SP140L: variants seen among roughly 807,000 people sequenced by gnomAD.
The protein encoded by SP140L is nuclear body protein SP140-like protein.
SP140L carries 64 observed loss-of-function variants against 84.3 expected under a neutral mutation model. The ratio of observed to expected loss-of-function variants is 0.76; its 90% CI spans 0.62 to 0.94. The LOEUF is 0.94. Among genes scored for constraint, SP140L ranks in the 40% least tolerant of loss-of-function variants. The pLI, the probability that SP140L is intolerant of heterozygous loss-of-function variation, is 0.00. For missense variants in SP140L, 628 were observed against 692.5 expected (o/e 0.91, Z 1.05); for synonymous variants, 242 against 236.9 (o/e 1.02, Z -0.20).
rs531059052 is a variant in SP140L, at chr2:230,358,637, CA to C, written c.271-326del. Among the ~76,000 whole-genome samples the C allele has an allele frequency of 3.1e-3, 470 of 152,294 alleles. 5 individuals are homozygous for C. The highest frequency in any genetic ancestry group is 2.4e-3 in the Non-Finnish European group (166 of 68,018). On this transcript the variant is annotated intron_variant, in intron 3 of 18. Transcript: ENST00000415673. ...TTGCCCAGCCAACAAAACAGCCACTCATTGATTGCCTGCTACATCTATCCCA... is the reference window on the plus strand; with the variant it reads ...TTGCCCAGCCAACAAAACAGCCACTCTTGATTGCCTGCTACATCTATCCCA...
At chr2:230,380,983 T>G (rs2061385609) in intron 7 of SP140L, among the ~76,000 whole-genome samples, 1 of 152,130 alleles carries the variant, frequency 6.6e-6, no homozygotes, top group African/African-American at 2.4e-5. Flanking sequence ...TCTAAATACC[T>G]AGGAGCAAAA....
intron 13 of SP140L, among the ~76,000 whole-genome samples, chr2:230,395,512 C>T (rs745439119): frequency 2.2e-4 from 34 of 151,860 alleles, no homozygotes; most frequent in African/African-American, 8.2e-4. Flanking sequence ...CCTGGGAGGT[C>T]GAGGCTATAG....
At chr2:230,391,548 C>T (rs939719031) in intron 11 of SP140L, among the ~76,000 whole-genome samples, 8 of 152,118 alleles carry the variant, frequency 5.3e-5, no homozygotes, top group Non-Finnish European at 1.2e-4. Context: ...ATATCAGCTG[C>T]CCATGATTGC....
In SP140L at chr2:230,371,275, A is replaced by T; in HGVS notation, c.583+308A>T. Among the ~76,000 whole-genome samples, 2 of 152,184 alleles carry T rather than the reference A, an allele frequency of 1.3e-5. 1 individual carries two copies. Among genetic ancestry groups the T allele is most frequent in the East Asian group, 3.8e-4 (2 of 5,200 alleles). ...CATGGAACCCAAGATAACCCAGTGA[A>T]CTTCTGCTAGTAGATAATAGTGTCA... On this transcript the variant is annotated intron_variant, in intron 6 of 18. Transcript: ENST00000415673.
intron 11 of SP140L, 199 bp from the exon 12 acceptor site, chr2:230,391,888 G>A (rs1023330151): frequency 4.9e-6 from 3 of 611,742 alleles, no homozygotes; most frequent in African/African-American, 1.8e-5. Flanking sequence ...AAAGACATGT[G>A]CACCCCCACC....
chr2:230,384,745 CTACT>C (rs2061517743), intron 8 of SP140L, among the ~76,000 whole-genome samples: 1 of 152,040 alleles, frequency 6.6e-6, no homozygotes, highest in African/African-American at 2.4e-5. Context: ...AACCCTGTCT[CTACT>C]TAAAATACAA....
At chr2:230,371,734 G>T (rs879040920) in intron 7 of SP140L, 83 bp downstream of exon 7, 23 of 1,275,330 alleles carry the variant, frequency 1.8e-5, no homozygotes, top group Non-Finnish European at 2.3e-5. Flanking sequence ...CATTGTTACT[G>T]TTTCTGTTAT....
chr2:230,380,567 C>T lies in SP140L; in HGVS notation c.638-2943C>T, dbSNP rs535115963. Among the ~76,000 whole-genome samples, 4 of 152,224 alleles carry T rather than the reference C, an allele frequency of 2.6e-5. No homozygotes were observed. The South Asian group carries it at 6.2e-4, about 24-fold the overall frequency. On this transcript the variant is annotated intron_variant, in intron 7 of 18. Transcript: ENST00000415673. ...TTACAACCACACTTTTCTGCACCAT[C>T]GAAATCTTTATCAAGATACAGAACA...
At position 230,401,397 on chromosome 2, in the gene SP140L, G is replaced by C. The variant is rs1258766276; in HGVS notation, c.1454G>C (p.Cys485Ser). 3 of 1,583,026 alleles carry C rather than the reference G, an allele frequency of 1.9e-6. No individual in the cohort carries two copies. Among genetic ancestry groups the C allele is most frequent in the South Asian group, 2.3e-5 (2 of 88,570 alleles). ...GAGTTCCTCCTCTTGAAAGTCTATT[G>C]CTGTTCTGAGAGCTCCTTTTTTGCC... Reference protein sequence around the residue: ...KCEFLLLKVYCCSESSFFAKI... With the variant: ...KCEFLLLKVYSCSESSFFAKI... The change falls in exon 17 of 19, where the codon TGC becomes TCC. Residue 485 changes from cysteine to serine, a missense_variant. Cys to Ser is a moderately radical substitution (Grantham distance 112). Transcript: ENST00000415673.
At chr2:230,387,452 G>C (rs1413344333) in intron 9 of SP140L, among the ~76,000 whole-genome samples, 1 of 152,200 alleles carries the variant, frequency 6.6e-6, no homozygotes, top group Non-Finnish European at 1.5e-5. Flanking sequence ...CTAAAGACCA[G>C]AAAGTGGAAT....
chr2:230,337,755 C>T (rs2059920337), intron 2 of SP140L, among the ~76,000 whole-genome samples: 1 of 151,828 alleles, frequency 6.6e-6, no homozygotes, highest in African/African-American at 2.4e-5. Context: ...ATAGGGAATC[C>T]TTTCCCCATT....
chr2:230,383,817 T>A (rs1452168949), intron 8 of SP140L, among the ~76,000 whole-genome samples: 1 of 152,216 alleles, frequency 6.6e-6, no homozygotes, highest in African/African-American at 2.4e-5. Context: ...TCATCCTCAG[T>A]ATGACTTTCT....
Position 230,377,295 on chromosome 2 carries a change from T to C in SP140L, c.637+5644T>C, listed in dbSNP as rs529942485. On this transcript the variant is annotated intron_variant, in intron 7 of 18. Coordinates refer to ENST00000415673, the MANE Select transcript of SP140L (RefSeq NM_138402.6). ...TCCAGAGTAAATGGGAATACAGGCA[T>C]GTACAACTCACCAACCCAGGTTGTT... Among the ~76,000 whole-genome samples the C allele has an allele frequency of 9.8e-5, 15 of 152,312 alleles. No homozygotes were observed. In the East Asian group the frequency reaches 2.5e-3, roughly 25 times the overall value.
At chr2:230,385,459 G>A (rs1052823576) in intron 9 of SP140L, among the ~76,000 whole-genome samples, 155 bp downstream of exon 9, 3 of 152,102 alleles carry the variant, frequency 2.0e-5, no homozygotes, top group Admixed American at 6.5e-5. Context: ...AGAAGCCAGA[G>A]TTGTAAGTTG....
At chr2:230,387,857 C>G (rs190677195) in intron 9 of SP140L, among the ~76,000 whole-genome samples, 1 of 152,118 alleles carries the variant, frequency 6.6e-6, no homozygotes, top group Non-Finnish European at 1.5e-5. Context: ...TCATGGTTAA[C>G]CTTCTTCTGA....
intron 2 of SP140L, among the ~76,000 whole-genome samples, chr2:230,350,956 T>A (rs532761925): frequency 2.0e-5 from 3 of 152,002 alleles, no homozygotes; most frequent in Non-Finnish European, 4.4e-5. Context: ...AATAGGTGAG[T>A]GTGACCAGGC....
At chr2:230,331,874 A>G (rs2059734249) in intron 2 of SP140L, among the ~76,000 whole-genome samples, 1 of 152,164 alleles carries the variant, frequency 6.6e-6, no homozygotes. Context: ...CTGGAGAAAT[A>G]ATTACATCTT....
chr2:230,341,715 G>C (rs1042293245), intron 2 of SP140L, among the ~76,000 whole-genome samples: 1 of 151,954 alleles, frequency 6.6e-6, no homozygotes, highest in African/African-American at 2.4e-5. Context: ...CTAACAGAGA[G>C]GACCCTCAGC....
intron 2 of SP140L, among the ~76,000 whole-genome samples, chr2:230,339,916 G>C (rs202131974): frequency 0.097 from 13,980 of 144,486 alleles, 633 homozygotes; most frequent in East Asian, 0.21. Context: ...TTACTTCCCA[G>C]TATGTGGTCA....
Sources: allele counts gnomAD v4.1 joint callset (sites outside exome capture counted in the v4.1 genomes callset), GRCh38; gene constraint gnomAD v4.1.1; transcripts MANE v1.5; gene names NCBI Gene and HGNC (gene_info 2026-07-23, HGNC 2026-07-21).